SNAI3: variants seen among roughly 807,000 people sequenced by gnomAD.
The protein encoded by SNAI3 is zinc finger protein SNAI3.
In SNAI3, 21 loss-of-function variants were observed where a neutral mutation model predicts 16.4. The ratio of observed to expected loss-of-function variants is 1.28; its 90% CI spans 0.91 to 1.85. The LOEUF is 1.85. SNAI3 is among the 40% of genes most tolerant of loss of function. SNAI3 has a pLI of 0.00. For missense variants in SNAI3, 457 were observed against 372.8 expected, an observed-to-expected ratio of 1.23 and a Z score of -1.86; for synonymous variants, 202 against 166.6, an observed-to-expected ratio of 1.21 and a Z score of -1.64.
At chr16:88,684,555 G>A (rs1909291826) in intron 1 of SNAI3, among the ~76,000 whole-genome samples, 1 of 152,190 alleles carries the variant, frequency 6.6e-6, no homozygotes, top group Non-Finnish European at 1.5e-5. Context: ...GAGTGCAGGG[G>A]CGCGATCGTG....
chr16:88,678,470 G>A lies in SNAI3; in HGVS notation c.857C>T (p.Ser286Phe), dbSNP rs1402895139. ...CTCTCAGGGGCCCGGGCAGCAGCCAGACTCCTCATGCCGCGCCAGGAGGGA... is the reference window on the plus strand; with the variant it reads ...CTCTCAGGGGCCCGGGCAGCAGCCAAACTCCTCATGCCGCGCCAGGAGGGA... ...RMSLLARHEE[S>F]GCCPGP The change falls in exon 3 of 3, where the codon TCT becomes TTT. Residue 286 changes from serine (S) to phenylalanine (F), a missense_variant. Transcript: ENST00000332281. 1.3e-6 allele frequency: 1 copy of A among 775,526 alleles called. No individual in the cohort carries two copies. The highest frequency in any genetic ancestry group is 2.4e-6 in the Non-Finnish European group (1 of 419,486). 48.0% of individuals were successfully genotyped at this position (775,526 alleles called of 1,614,324 possible).
Position 88,677,972 on chromosome 16 carries a change from C to T in SNAI3, c.*476G>A, listed in dbSNP as rs574193187. On this transcript the variant is annotated 3_prime_UTR_variant, in exon 3 of 3. Coordinates refer to ENST00000332281, the MANE Select transcript of SNAI3 (RefSeq NM_178310.4). Reference sequence around the variant, plus strand: ...TCCCAGACCCCAAACCAAAGGCTGGCGGGGGCTGGCTGAGAGGTAGTTGTG... The same window carrying T: ...TCCCAGACCCCAAACCAAAGGCTGGTGGGGGCTGGCTGAGAGGTAGTTGTG... The T allele has an allele frequency of 1.9e-5, 3 of 157,138 alleles. No individual in the cohort carries two copies. Among genetic ancestry groups the T allele is most frequent in the East Asian group, 1.9e-4 (1 of 5,282 alleles). 9.7% of individuals were successfully genotyped at this position (157,138 alleles called of 1,614,324 possible).
chr16:88,679,825 A>G (rs974744407), intron 2 of SNAI3, among the ~76,000 whole-genome samples: 10 of 151,482 alleles, frequency 6.6e-5, no homozygotes, highest in African/African-American at 2.4e-4. Context: ...CATGCCTGTA[A>G]TCCCAGCACT....
chr16:88,678,688 C>T, intron 2 of SNAI3, 59 bp from the exon 3 acceptor site: 1 of 1,535,522 alleles, frequency 6.5e-7, no homozygotes, highest in Non-Finnish European at 8.8e-7. Flanking sequence ...GGCTAAAGCA[C>T]CCACCCTGCC....
intron 1 of SNAI3, among the ~76,000 whole-genome samples, chr16:88,682,311 T>C (rs1303226486): frequency 6.6e-6 from 1 of 152,254 alleles, no homozygotes; most frequent in African/African-American, 2.4e-5. Context: ...CCCACTCTAC[T>C]GTGCTCTGAA....
chr16:88,681,296 G>A lies in SNAI3; in HGVS notation c.495C>T (p.Ala165=), dbSNP rs748615467. ...GCAGCTGCCGGTGCCTGGCCAGCCC[G>A]GCCAGCGTGTGGTAGGGTTTGTGGC... is the stretch of plus-strand genomic sequence containing the variant. The part of the protein sequence containing the change: ...FHCHKPYHTL[A]GLARHRQLHC... Residue 165 remains alanine (A), a synonymous_variant, in exon 2 of 3, where the codon GCC becomes GCT. Transcript: ENST00000332281. The surrounding 1 kb of genome is among the most constrained non-coding windows in gnomAD (Gnocchi z 5.4). The A allele has an allele frequency of 2.0e-5, 32 of 1,613,188 alleles. No individual in the cohort carries two copies. The highest frequency in any genetic ancestry group is 1.5e-4 in the Admixed American group (9 of 60,010).
intron 2 of SNAI3, among the ~76,000 whole-genome samples, chr16:88,679,775 A>AAAAAAAAAAAAAAAAAAAG (rs1555545688): frequency 2.8e-5 from 3 of 106,570 alleles, no homozygotes; most frequent in South Asian, 3.1e-4. Flanking sequence ...AAAAAAAAAA[A>AAAAAAAAAAAAAAAAAAAG]AAAAAAAGAA....
rs1056574657 is a variant in SNAI3 at position 88,681,940 on chromosome 16, C to A, written c.77-226G>T. On this transcript the variant is annotated intron_variant, in intron 1 of 2. Transcript: ENST00000332281. This position sits in a 1 kb window ranked among gnomAD's most constrained non-coding sequence, Gnocchi z 5.4. ...AGTCATCTAGAACAAGAAGGCCCCG[C>A]GGTCTAGAGAGCGAATCTCACTTCC... Among the ~76,000 whole-genome samples the A allele has an allele frequency of 6.6e-6, 1 of 152,110 alleles. No individual in the cohort carries two copies. Among genetic ancestry groups the A allele is most frequent in the Admixed American group, 6.5e-5 (1 of 15,278 alleles).
At chr16:88,679,900 C>T (rs1020618307) in intron 2 of SNAI3, among the ~76,000 whole-genome samples, 3 of 151,570 alleles carry the variant, frequency 2.0e-5, no homozygotes, top group Non-Finnish European at 4.4e-5. Context: ...GGCAACATAG[C>T]GAGACCCCCG....
Position 88,678,445 on chromosome 16 carries a change from C to G in SNAI3, c.*3G>C. The G allele has an allele frequency of 1.3e-6, 1 of 767,744 alleles. No homozygotes were observed. The highest frequency in any genetic ancestry group is 1.7e-5 in the Admixed American group (1 of 58,768). 47.6% of individuals were successfully genotyped at this position (767,744 alleles called of 1,614,324 possible). A position where few individuals can be genotyped will look rare whatever the true frequency, so the allele number is the denominator to read the frequency against. ...CCTCCTACCTGCGCCGACCACGTGC[C>G]TCTCAGGGGCCCGGGCAGCAGCCAG... On this transcript the variant is annotated 3_prime_UTR_variant, in exon 3 of 3. Coordinates refer to ENST00000332281, the MANE Select transcript of SNAI3 (RefSeq NM_178310.4).
intron 2 of SNAI3, chr16:88,678,990 G>C: frequency 1.0e-6 from 1 of 985,472 alleles, no homozygotes; most frequent in Non-Finnish European, 1.2e-6. Context: ...GGGCAGAGCT[G>C]TGGACCTTGA....
Position 88,686,265 on chromosome 16 carries a change from C to G in SNAI3, c.76+66G>C, listed in dbSNP as rs1909355400. The G allele has an allele frequency of 5.6e-5, 70 of 1,247,542 alleles. No individual in the cohort carries two copies. The South Asian group carries it at 9.8e-4, about 18-fold the overall frequency. The allele number at this position is 1,247,542 out of a possible 1,614,324, so 77.3% of individuals were successfully genotyped here. On this transcript the variant is annotated intron_variant, in intron 1 of 2. Coordinates refer to ENST00000332281, the MANE Select transcript of SNAI3 (RefSeq NM_178310.4). ...CTCCCCAGCCCCCGCTCCCAGGGGC[C>G]TCTCTCTCTCTCCCGCCCCTCAGGG...
At chr16:88,679,131 T>A (rs1427262163) in intron 2 of SNAI3, 1 of 982,130 alleles carries the variant, frequency 1.0e-6, no homozygotes, top group South Asian at 4.7e-5. Flanking sequence ...TGTAGCCCCA[T>A]AGAGTCCTGA....
chr16:88,678,863 C>T (rs1272422325), intron 2 of SNAI3: 3 of 985,324 alleles, frequency 3.0e-6, no homozygotes, highest in East Asian at 1.1e-4. Context: ...GTAGCCCTCC[C>T]GGGGCCCTTG....
At position 88,686,485 on chromosome 16, in the gene SNAI3, C is replaced by T. The variant is rs1909371347; in HGVS notation, c.-79G>A. ...GGGTCCGGACTGCTGCGTCCGCCGG[C>T]GCTTGAAGGGGTCAGGCTCATTAGC... On this transcript the variant is annotated 5_prime_UTR_variant, in exon 1 of 3. Transcript: ENST00000332281. The T allele has an allele frequency of 6.4e-7, 1 of 1,562,486 alleles. No homozygotes were observed. Among genetic ancestry groups the T allele is most frequent in the Non-Finnish European group, 8.6e-7 (1 of 1,161,008 alleles).
chr16:88,683,483 T>C (rs539046919), intron 1 of SNAI3, among the ~76,000 whole-genome samples: 10 of 151,962 alleles, frequency 6.6e-5, no homozygotes, highest in Non-Finnish European at 1.2e-4. Context: ...CTCGAACTCT[T>C]GACCTTGTGA....
At chr16:88,683,249 T>G (rs1909242305) in intron 1 of SNAI3, among the ~76,000 whole-genome samples, 1 of 148,332 alleles carries the variant, frequency 6.7e-6, no homozygotes, top group African/African-American at 2.5e-5. Flanking sequence ...TGCGCCACCA[T>G]GCCTGGCTAA....
rs1909185233 is a variant in SNAI3 at position 88,681,848 on chromosome 16, A to G, written c.77-134T>C. Reference sequence around the variant, plus strand: ...GTGGGAGGTGTAGCCGGGAACCTGCATGCAGACCCAGCTTGCAAGGGAGCT... The same window carrying G: ...GTGGGAGGTGTAGCCGGGAACCTGCGTGCAGACCCAGCTTGCAAGGGAGCT... On this transcript the variant is annotated intron_variant, in intron 1 of 2. Coordinates refer to ENST00000332281, the MANE Select transcript of SNAI3 (RefSeq NM_178310.4). The surrounding 1 kb of genome is among the most constrained non-coding windows in gnomAD (Gnocchi z 5.4). The G allele has an allele frequency of 9.7e-7, 1 of 1,035,902 alleles. No individual in the cohort carries two copies. Among genetic ancestry groups the G allele is most frequent in the South Asian group, 4.0e-5 (1 of 24,798 alleles). 64.2% of individuals were successfully genotyped at this position (1,035,902 alleles called of 1,614,324 possible). A position where few individuals can be genotyped will look rare whatever the true frequency, so the allele number is the denominator to read the frequency against.
At chr16:88,679,215 T>C in intron 2 of SNAI3, 1 of 596,930 alleles carries the variant, frequency 1.7e-6, no homozygotes, top group Non-Finnish European at 2.1e-6. Context: ...GGCATGCTCC[T>C]GGCCAGGCCA....
Sources: gnomAD v4.1 joint callset for allele counts (sites outside exome capture counted in the v4.1 genomes callset) on GRCh38, gnomAD v4.1.1 for gene constraint, Gnocchi (gnomAD v3.1) non-coding constraint, MANE v1.5 for transcripts, NCBI Gene and HGNC (gene_info 2026-07-23, HGNC 2026-07-21) for gene names.